RIT2: variants seen among roughly 807,000 people sequenced by gnomAD.
The protein encoded by RIT2 is Ras like without CAAX 2.
A neutral mutation model predicts 23.7 loss-of-function variants in RIT2; 24 were observed. The observed-to-expected ratio is 1.01, with a 90% confidence interval of 0.73 to 1.43. The LOEUF (loss-of-function observed/expected upper bound fraction) is 1.43. Ranked by LOEUF, RIT2 falls within the 40% of genes most tolerant of loss-of-function variation. The probability of loss-of-function intolerance (pLI) is 0.00; values close to 1 mark genes in which losing one functional copy is unlikely to be tolerated. For missense variants in RIT2, 236 were observed against 266.9 expected (o/e 0.88, Z 0.81); for synonymous variants, 107 against 91.1 (o/e 1.17, Z -0.99).
chr18:42,913,285 A>C (rs1908819840), intron 4 of RIT2, among the ~76,000 whole-genome samples: 1 of 151,886 alleles, frequency 6.6e-6, no homozygotes, highest in Non-Finnish European at 1.5e-5. Flanking sequence ...ATTTTTAGAA[A>C]AGAACATAAA....
At chr18:42,898,800 A>G (rs546895126) in intron 4 of RIT2, among the ~76,000 whole-genome samples, 4 of 152,300 alleles carry the variant, frequency 2.6e-5, no homozygotes, top group Admixed American at 2.0e-4. Context: ...AAGTATGACC[A>G]ATTAGTTTGC....
At chr18:42,954,294 T>C (rs1909919962) in intron 3 of RIT2, among the ~76,000 whole-genome samples, 2 of 151,074 alleles carry the variant, frequency 1.3e-5, no homozygotes, top group Admixed American at 1.3e-4. Context: ...GGAGACTCAC[T>C]TGAACCTGGG....
At chr18:42,899,189 A>T (rs1304736288) in intron 4 of RIT2, among the ~76,000 whole-genome samples, 1 of 151,700 alleles carries the variant, frequency 6.6e-6, no homozygotes, top group Non-Finnish European at 1.5e-5. Flanking sequence ...TAATTGAATC[A>T]TCTTATTTTT....
Position 42,743,309 on chromosome 18 carries a change from C to T in RIT2, c.*184G>A, listed in dbSNP as rs1253487158. Reference sequence around the variant, plus strand: ...ATCCAGCTGATTGACAAAATCCATCCAACTGTTAAAGGCAAAACAAAACTA... The same window carrying T: ...ATCCAGCTGATTGACAAAATCCATCTAACTGTTAAAGGCAAAACAAAACTA... On this transcript the variant is annotated 3_prime_UTR_variant, in exon 5 of 5. Coordinates refer to ENST00000326695, the MANE Select transcript of RIT2 (RefSeq NM_002930.4). 3.4e-6 allele frequency: 2 copies of T among 593,282 alleles called. No individual in the cohort carries two copies. Among genetic ancestry groups the T allele is most frequent in the African/African-American group, 1.9e-5 (1 of 53,588 alleles). The allele number at this position is 593,282 out of a possible 1,614,324, so 36.8% of individuals were successfully genotyped here.
chr18:42,933,876 G>T (rs987120799), intron 3 of RIT2, among the ~76,000 whole-genome samples: 1 of 151,682 alleles, frequency 6.6e-6, no homozygotes, highest in South Asian at 2.1e-4. Flanking sequence ...CAATTAGCTG[G>T]GCGTGGTGAT....
At chr18:42,775,759 C>T (rs575142284) in intron 4 of RIT2, among the ~76,000 whole-genome samples, 4 of 151,746 alleles carry the variant, frequency 2.6e-5, no homozygotes, top group African/African-American at 7.2e-5. Context: ...TAAACAGTGA[C>T]GTCAGGACCA....
intron 4 of RIT2, among the ~76,000 whole-genome samples, chr18:42,823,281 T>G (rs1276076085): frequency 6.6e-6 from 1 of 152,172 alleles, no homozygotes. Context: ...CACAAAATAT[T>G]TCACACATTT....
intron 2 of RIT2, among the ~76,000 whole-genome samples, chr18:43,013,760 C>T (rs947671397): frequency 6.6e-6 from 1 of 151,670 alleles, no homozygotes; most frequent in African/African-American, 2.4e-5. Context: ...AACTTGAAAA[C>T]TAGATAAATA....
chr18:42,814,944 T>G (rs1276909633), intron 4 of RIT2, among the ~76,000 whole-genome samples: 1 of 152,100 alleles, frequency 6.6e-6, no homozygotes, highest in African/African-American at 2.4e-5. Context: ...GGCTCAGCTC[T>G]CAGGAAGTCA....
chr18:43,001,885 G>A (rs908108591), intron 2 of RIT2, among the ~76,000 whole-genome samples: 4 of 151,948 alleles, frequency 2.6e-5, no homozygotes, highest in Non-Finnish European at 5.9e-5. Context: ...CTCTCAGCTG[G>A]AGTAGATGTG....
intron 3 of RIT2, among the ~76,000 whole-genome samples, chr18:42,930,021 T>C (rs1177664308): frequency 6.6e-6 from 1 of 152,094 alleles, no homozygotes; most frequent in South Asian, 2.1e-4. Flanking sequence ...CAGACTGGGA[T>C]AGGCCCTTAA....
chr18:43,004,441 G>A (rs1598745174), intron 2 of RIT2, among the ~76,000 whole-genome samples: 1 of 151,790 alleles, frequency 6.6e-6, no homozygotes, highest in African/African-American at 2.4e-5. Context: ...CTCAAGGGGT[G>A]TTATCAACAT....
chr18:43,066,245 G>C (rs1912768039), intron 1 of RIT2, among the ~76,000 whole-genome samples: 1 of 152,094 alleles, frequency 6.6e-6, no homozygotes, highest in Admixed American at 6.6e-5. Context: ...GGGTTACAAA[G>C]TGCCCATCCA....
chr18:42,773,621 A>G (rs1359466425), intron 4 of RIT2, among the ~76,000 whole-genome samples: 1 of 152,174 alleles, frequency 6.6e-6, no homozygotes, highest in African/African-American at 2.4e-5. Flanking sequence ...TCTATCCTCA[A>G]TTTTTGAGTG....
chr18:43,079,352 GA>G (rs1442853392), intron 1 of RIT2, among the ~76,000 whole-genome samples: 1 of 152,018 alleles, frequency 6.6e-6, no homozygotes, highest in African/African-American at 2.4e-5. Context: ...AGACAAATCA[GA>G]AAAAAATATA....
intron 3 of RIT2, among the ~76,000 whole-genome samples, chr18:42,926,552 C>T (rs1909185534): frequency 6.6e-6 from 1 of 151,802 alleles, no homozygotes. Context: ...TAATGAATGA[C>T]TAACAAATTT....
intron 4 of RIT2, among the ~76,000 whole-genome samples, chr18:42,878,841 C>T (rs1000737841): frequency 7.3e-5 from 11 of 151,152 alleles, no homozygotes; most frequent in African/African-American, 1.9e-4. Flanking sequence ...CCCCGCCCCC[C>T]GCCACCAATT....
At chr18:42,773,009 C>T (rs1462530159) in intron 4 of RIT2, among the ~76,000 whole-genome samples, 1 of 152,118 alleles carries the variant, frequency 6.6e-6, no homozygotes, top group African/African-American at 2.4e-5. Flanking sequence ...ACAACTTACC[C>T]TCCAATCAGA....
intron 4 of RIT2, among the ~76,000 whole-genome samples, chr18:42,761,643 G>A (rs1168995752): frequency 6.6e-6 from 1 of 152,078 alleles, no homozygotes; most frequent in African/African-American, 2.4e-5. Flanking sequence ...TAATATGTGA[G>A]TATCAAAGCA....
Sources: allele counts gnomAD v4.1 joint callset (sites outside exome capture counted in the v4.1 genomes callset), GRCh38; gene constraint gnomAD v4.1.1; transcripts MANE v1.5; gene names NCBI Gene and HGNC (gene_info 2026-07-23, HGNC 2026-07-21).